ZBTB44: variants seen among roughly 807,000 people sequenced by gnomAD.
ZBTB44 encodes the protein zinc finger and BTB domain-containing protein 44.
Under a neutral mutation model 54.0 loss-of-function variants are expected in ZBTB44, and 15 were observed. The ratio of observed to expected loss-of-function variants is 0.28; its 90% CI spans 0.19 to 0.43. The LOEUF (loss-of-function observed/expected upper bound fraction) is 0.43. Ranked by LOEUF, ZBTB44 falls within the 20% of genes least tolerant of loss-of-function variation. The pLI is 1.00. For synonymous variants in ZBTB44, 230 were observed against 250.1 expected (o/e 0.92, Z 0.76); for missense variants, 487 against 707.1 (o/e 0.69, Z 3.53).
At chr11:130,291,132 TTTG>T (rs1055230068) in intron 1 of ZBTB44, among the ~76,000 whole-genome samples, 1 of 152,070 alleles carries the variant, frequency 6.6e-6, no homozygotes, top group African/African-American at 2.4e-5. Context: ...CAGGAAAGCC[TTTG>T]TTGTTTTTTT....
In ZBTB44 at chr11:130,234,187, T is replaced by G. The variant is rs750549553; in HGVS notation, c.1655A>C (p.Asn552Thr). The change falls in exon 6 of 8, where the codon AAC becomes ACC. Residue 552 changes from asparagine to threonine, a missense_variant. Asn to Thr is a moderately conservative substitution (Grantham distance 65). Around this residue, in one of 3 missense-constraint regions of ZBTB44, gnomAD observed 120 missense variants for 240.3 expected, o/e 0.50. Coordinates refer to ENST00000357899, the MANE Select transcript of ZBTB44 (RefSeq NM_001301098.2). The part of the protein sequence containing the change: ...YDLGEHGFES[N>T]SSVQMPVISQ... ...AATGACAGGCATTTGAACAGAGGAG[T>G]TGCTTTCAAAACCGTGTTCTCCAAG... 1.3e-6 allele frequency: 2 copies of G among 1,533,970 alleles called. No individual in the cohort carries two copies. The highest frequency in any genetic ancestry group is 8.8e-7 in the Non-Finnish European group (1 of 1,140,400).
chr11:130,261,632 C>G lies in ZBTB44; in HGVS notation c.242G>C (p.Gly81Ala). 1 of 1,613,994 alleles carries G rather than the reference C, an allele frequency of 6.2e-7. No homozygotes were observed. The highest frequency in any genetic ancestry group is 8.5e-7 in the Non-Finnish European group (1 of 1,179,896). Residue 81 changes from glycine (G) to alanine (A), a missense_variant, in exon 2 of 8, where the codon GGC (glycine) becomes GCC (alanine). By Grantham distance (60) the Gly-to-Ala change is moderately conservative. This residue lies in a region of ZBTB44 where 90 missense variants were observed against 160.3 expected (regional missense o/e 0.56). Transcript: ENST00000357899. The surrounding 1 kb of genome is among the most constrained non-coding windows in gnomAD (Gnocchi z 4.8). ...AGCATATTCTAAAAGAGGTATAAAG[C>G]CAGTCACTGTAACATGATGCAGATC... ...VLDLHHVTVTGFIPLLEYAYT... is the reference protein window; with the variant it reads ...VLDLHHVTVTAFIPLLEYAYT...
chr11:130,263,978 C>A (rs540635888), intron 1 of ZBTB44, among the ~76,000 whole-genome samples: 17 of 152,284 alleles, frequency 1.1e-4, no homozygotes, highest in African/African-American at 3.9e-4. Context: ...CCTACTATCT[C>A]CCAACAGTAT....
chr11:130,275,617 G>C (rs1940003894), intron 1 of ZBTB44, among the ~76,000 whole-genome samples: 1 of 151,828 alleles, frequency 6.6e-6, no homozygotes, highest in South Asian at 2.1e-4. Context: ...CATTCCATAT[G>C]GTCTCAGAAC....
chr11:130,308,186 T>C (rs1004807262), intron 1 of ZBTB44, among the ~76,000 whole-genome samples: 1 of 152,226 alleles, frequency 6.6e-6, no homozygotes, highest in Admixed American at 6.5e-5. Context: ...AACCTAGATG[T>C]AGAGTAGGCC....
At chr11:130,269,776 A>T (rs1189642667) in intron 1 of ZBTB44, among the ~76,000 whole-genome samples, 2 of 152,194 alleles carry the variant, frequency 1.3e-5, no homozygotes, top group African/African-American at 4.8e-5. Flanking sequence ...TCACCTCTCT[A>T]ATGATGCTTC....
At chr11:130,298,593 G>A (rs183393209) in intron 1 of ZBTB44, among the ~76,000 whole-genome samples, 1 of 151,476 alleles carries the variant, frequency 6.6e-6, no homozygotes. Flanking sequence ...CTCCCAAGTG[G>A]CTGGGACTAC....
chr11:130,309,215 C>T (rs1258787469), intron 1 of ZBTB44, among the ~76,000 whole-genome samples: 1 of 152,222 alleles, frequency 6.6e-6, no homozygotes, highest in African/African-American at 2.4e-5. Context: ...TTGCAACCAA[C>T]CTACTTTCAT....
At chr11:130,289,783 T>C (rs1406578257) in intron 1 of ZBTB44, among the ~76,000 whole-genome samples, 1 of 152,170 alleles carries the variant, frequency 6.6e-6, no homozygotes, top group African/African-American at 2.4e-5. Context: ...TGAGGCTGTT[T>C]TTTGTTTTAA....
At chr11:130,304,775 A>T (rs1054028166) in intron 1 of ZBTB44, among the ~76,000 whole-genome samples, 1 of 152,196 alleles carries the variant, frequency 6.6e-6, no homozygotes, top group African/African-American at 2.4e-5. Context: ...AGCAAAATTT[A>T]AAGAATTTTA....
chr11:130,290,803 TG>T (rs1469791775), intron 1 of ZBTB44, among the ~76,000 whole-genome samples: 14 of 152,188 alleles, frequency 9.2e-5, no homozygotes, highest in African/African-American at 3.4e-4. Context: ...ATTACATTGA[TG>T]GGGAAATTGA....
At chr11:130,294,833 T>C (rs1225379001) in intron 1 of ZBTB44, among the ~76,000 whole-genome samples, 2 of 149,564 alleles carry the variant, frequency 1.3e-5, no homozygotes, top group Non-Finnish European at 3.0e-5. Flanking sequence ...AGAGGGCCTA[T>C]CTATCTTATT....
chr11:130,283,780 A>G (rs1439536974), intron 1 of ZBTB44, among the ~76,000 whole-genome samples: 8 of 151,678 alleles, frequency 5.3e-5, no homozygotes, highest in Admixed American at 3.9e-4. Context: ...CACCTGGCCA[A>G]AATGGTGAAA....
intron 1 of ZBTB44, among the ~76,000 whole-genome samples, chr11:130,265,582 A>G (rs748601884): frequency 6.6e-6 from 1 of 152,206 alleles, no homozygotes; most frequent in Non-Finnish European, 1.5e-5. Context: ...CCAAACAGCT[A>G]GCCAAGCTGT....
intron 1 of ZBTB44, among the ~76,000 whole-genome samples, chr11:130,293,382 G>A (rs1189980229): frequency 3.3e-5 from 5 of 151,244 alleles, no homozygotes; most frequent in Non-Finnish European, 7.4e-5. Context: ...GCTGAGGCAG[G>A]AGGATCACTT....
At chr11:130,291,213 G>A (rs1238962327) in intron 1 of ZBTB44, among the ~76,000 whole-genome samples, 1 of 150,860 alleles carries the variant, frequency 6.6e-6, no homozygotes, top group East Asian at 2.0e-4. Context: ...CTCTTGAATT[G>A]CTTGAACCTC....
chr11:130,242,618 T>C (rs1565647085), intron 2 of ZBTB44, among the ~76,000 whole-genome samples: 1 of 152,232 alleles, frequency 6.6e-6, no homozygotes, highest in African/African-American at 2.4e-5. Flanking sequence ...TTACCCTGTG[T>C]AGAAATCTAG....
At chr11:130,252,763 A>G (rs1443001216) in intron 2 of ZBTB44, among the ~76,000 whole-genome samples, 3 of 152,308 alleles carry the variant, frequency 2.0e-5, no homozygotes, top group Admixed American at 6.5e-5. Context: ...AGACACAACA[A>G]AAAGAATTTT....
chr11:130,314,040 A>C (rs1469246356), intron 1 of ZBTB44, among the ~76,000 whole-genome samples: 1 of 151,038 alleles, frequency 6.6e-6, no homozygotes, highest in Non-Finnish European at 1.5e-5. Context: ...GAAAAAAAAC[A>C]GGTCTGAGCC....
Sources: allele counts gnomAD v4.1 joint callset (sites outside exome capture counted in the v4.1 genomes callset), GRCh38; gene constraint gnomAD v4.1.1; regional missense constraint gnomAD v4.1.1; non-coding constraint Gnocchi (gnomAD v3.1); transcripts MANE v1.5; gene names NCBI Gene and HGNC (gene_info 2026-07-23, HGNC 2026-07-21).